PDE1C: variants seen among roughly 807,000 people sequenced by gnomAD.
The protein encoded by PDE1C is phosphodiesterase 1C.
Under a neutral mutation model 93.1 loss-of-function variants are expected in PDE1C, and 62 were observed. That is an observed-to-expected ratio of 0.67 (90% CI 0.54 to 0.82). The LOEUF is 0.82. Ranked by LOEUF, PDE1C falls within the 40% of genes least tolerant of loss-of-function variation. The probability of loss-of-function intolerance (pLI) is 0.00; values close to 1 mark genes in which losing one functional copy is unlikely to be tolerated. For missense variants in PDE1C, 742 were observed against 884.6 expected, an observed-to-expected ratio of 0.84 and a Z score of 2.04; for synonymous variants, 325 against 310.1, an observed-to-expected ratio of 1.05 and a Z score of -0.50.
At chr7:32,063,668 AT>A (rs1795059790) in intron 1 of PDE1C, among the ~76,000 whole-genome samples, 1 of 152,210 alleles carries the variant, frequency 6.6e-6, no homozygotes, top group Non-Finnish European at 1.5e-5. Context: ...TGATATTCAC[AT>A]TTTTCCCCTT....
intron 1 of PDE1C, among the ~76,000 whole-genome samples, chr7:32,375,826 G>C (rs1271145756): frequency 1.3e-5 from 2 of 152,220 alleles, no homozygotes; most frequent in Admixed American, 1.3e-4. Flanking sequence ...CATAAGGGAT[G>C]AATTCTTGAA....
chr7:31,857,850 G>A (rs755633958), intron 7 of PDE1C, among the ~76,000 whole-genome samples: 1 of 152,170 alleles, frequency 6.6e-6, no homozygotes, highest in Admixed American at 6.5e-5. Flanking sequence ...TTTTCAAAAC[G>A]TGTAGGTACA....
chr7:31,688,551 C>T, the PDE1C span, among the ~76,000 whole-genome samples: 1 of 152,114 alleles, frequency 6.6e-6, no homozygotes, highest in Non-Finnish European at 1.5e-5. Flanking sequence ...GCACCCAGTT[C>T]CTTCCCCCTT....
intron 2 of PDE1C, among the ~76,000 whole-genome samples, chr7:32,183,808 A>G (rs994925587): frequency 2.6e-5 from 4 of 152,190 alleles, no homozygotes; most frequent in African/African-American, 9.6e-5. Context: ...AATAGGATCT[A>G]ATTAAACTAA....
chr7:32,260,134 GGGTTTT>G (rs1411701438), intron 1 of PDE1C, among the ~76,000 whole-genome samples: 13 of 152,306 alleles, frequency 8.5e-5, no homozygotes, highest in African/African-American at 2.9e-4. Context: ...TCAGTGTTTA[GGGTTTT>G]GGCTTCAGGT....
chr7:31,962,170 T>C (rs1809091445), intron 2 of PDE1C, among the ~76,000 whole-genome samples: 1 of 152,214 alleles, frequency 6.6e-6, no homozygotes, highest in Admixed American at 6.5e-5. Context: ...ACTGATCTCT[T>C]GGGCCTCTTT....
chr7:32,424,566 T>A (rs1455239967), intron 1 of PDE1C, among the ~76,000 whole-genome samples: 1 of 152,166 alleles, frequency 6.6e-6, no homozygotes, highest in Non-Finnish European at 1.5e-5. Flanking sequence ...GTGGATCACT[T>A]GAGCCCAGGC....
At chr7:32,007,636 C>T (rs1437276186) in intron 2 of PDE1C, among the ~76,000 whole-genome samples, 2 of 152,210 alleles carry the variant, frequency 1.3e-5, no homozygotes, top group Admixed American at 1.3e-4. Flanking sequence ...CAAATACCAC[C>T]AATGCCACTA....
At chr7:31,643,953 C>T in the PDE1C span, 22 of 1,602,640 alleles carry the variant, frequency 1.4e-5, no homozygotes, top group East Asian at 8.9e-5. Context: ...AGCTATGTTC[C>T]GTAAGTGTTC....
At chr7:32,144,764 G>A (rs1800734717) in intron 3 of PDE1C, among the ~76,000 whole-genome samples, 1 of 152,202 alleles carries the variant, frequency 6.6e-6, no homozygotes, top group African/African-American at 2.4e-5. Context: ...TGACATGCAA[G>A]AGGTAGTGGA....
chr7:32,077,061 G>A (rs1796398617), intron 3 of PDE1C, among the ~76,000 whole-genome samples: 2 of 152,184 alleles, frequency 1.3e-5, no homozygotes, highest in South Asian at 4.1e-4. Flanking sequence ...CCATGGTGGT[G>A]TAACCCAATC....
chr7:32,073,376 C>T (rs779562434), upstream of PDE1C, among the ~76,000 whole-genome samples: 10 of 152,128 alleles, frequency 6.6e-5, no homozygotes, highest in Non-Finnish European at 1.3e-4. Flanking sequence ...CAAAAGACAA[C>T]ACAGTTTGGA....
At chr7:31,667,440 C>T in the PDE1C span, among the ~76,000 whole-genome samples, 1 of 152,124 alleles carries the variant, frequency 6.6e-6, no homozygotes, top group Non-Finnish European at 1.5e-5. Flanking sequence ...TGAAGAACAA[C>T]ATAGTCAGAA....
intron 3 of PDE1C, among the ~76,000 whole-genome samples, chr7:32,080,827 T>C (rs1476668356): frequency 6.6e-6 from 1 of 152,198 alleles, no homozygotes; most frequent in African/African-American, 2.4e-5. Context: ...TCCACCCACA[T>C]GCTTTTAACA....
chr7:31,904,174 C>T (rs1024130246), intron 2 of PDE1C, among the ~76,000 whole-genome samples: 4 of 152,074 alleles, frequency 2.6e-5, no homozygotes, highest in Admixed American at 6.6e-5. Context: ...TCGGAAAATG[C>T]CTGTCCTTTC....
chr7:31,984,690 T>C (rs1563143776), intron 2 of PDE1C, among the ~76,000 whole-genome samples: 1 of 152,238 alleles, frequency 6.6e-6, no homozygotes, highest in Admixed American at 6.5e-5. Context: ...TAGAGAATTC[T>C]AGAAAATAAT....
At chr7:31,630,400 A>C in the PDE1C span, among the ~76,000 whole-genome samples, 2 of 152,158 alleles carry the variant, frequency 1.3e-5, no homozygotes, top group African/African-American at 4.8e-5. Context: ...AATCAGGCCT[A>C]CTTAAATGTG....
the PDE1C span, chr7:31,695,889 G>GTC: frequency 3.7e-6 from 1 of 268,616 alleles, no homozygotes. Context: ...GCTTCAAAGA[G>GTC]TCATTCAGGG....
intron 1 of PDE1C, among the ~76,000 whole-genome samples, chr7:32,223,247 C>G (rs1807008398): frequency 6.6e-6 from 1 of 152,218 alleles, no homozygotes; most frequent in African/African-American, 2.4e-5. Flanking sequence ...GCCTAGAATG[C>G]TATGCTGCTG....
Sources: allele counts gnomAD v4.1 joint callset (sites outside exome capture counted in the v4.1 genomes callset), GRCh38; gene constraint gnomAD v4.1.1; transcripts MANE v1.5; gene names NCBI Gene and HGNC (gene_info 2026-07-23, HGNC 2026-07-21).